Variants in SCN1A observed in about 807,000 individuals in gnomAD.
The protein encoded by SCN1A is sodium channel protein type 1 subunit alpha.
A neutral mutation model predicts 193.7 loss-of-function variants in SCN1A; 13 were observed. That is an observed-to-expected ratio of 0.07 (90% CI 0.04 to 0.11). The LOEUF is 0.11. Among genes scored for constraint, SCN1A ranks in the 10% least tolerant of loss-of-function variants. The probability of loss-of-function intolerance (pLI) is 1.00; values close to 1 mark genes in which losing one functional copy is unlikely to be tolerated. For missense variants in SCN1A, 1,432 were observed against 2,451.1 expected, an observed-to-expected ratio of 0.58 and a Z score of 8.78; for synonymous variants, 781 against 843.6, an observed-to-expected ratio of 0.93 and a Z score of 1.29.
chr2:166,103,532 G>A (rs1007624100), intron 2 of SCN1A, among the ~76,000 whole-genome samples: 1 of 151,862 alleles, frequency 6.6e-6, no homozygotes, highest in African/African-American at 2.4e-5. Flanking sequence ...TTTGAGACAC[G>A]GAGGAAGCAC....
chr2:166,103,112 A>G (rs953468162), intron 2 of SCN1A, among the ~76,000 whole-genome samples: 1 of 152,030 alleles, frequency 6.6e-6, no homozygotes, highest in African/African-American at 2.4e-5. Context: ...AGAGGAGCAG[A>G]CAGTCTGTTA....
At chr2:166,125,266 T>A (rs1691107625) in intron 2 of SCN1A, among the ~76,000 whole-genome samples, 1 of 152,196 alleles carries the variant, frequency 6.6e-6, no homozygotes, top group Non-Finnish European at 1.5e-5. Flanking sequence ...TTCTCTGGGA[T>A]CTGTTTCTCC....
At chr2:166,124,457 GA>G (rs557514614) in intron 2 of SCN1A, among the ~76,000 whole-genome samples, 1 of 152,090 alleles carries the variant, frequency 6.6e-6, no homozygotes. Context: ...TGAGGCAGGA[GA>G]ATCACTTCAA....
chr2:166,018,875 C>A (rs1200140050), intron 19 of SCN1A, among the ~76,000 whole-genome samples: 1 of 152,042 alleles, frequency 6.6e-6, no homozygotes, highest in Non-Finnish European at 1.5e-5. Context: ...ACATTGGTAA[C>A]TCTTGAAGAA....
intron 14 of SCN1A, among the ~76,000 whole-genome samples, chr2:166,042,844 C>G (rs1697339806): frequency 6.6e-6 from 1 of 152,128 alleles, no homozygotes; most frequent in Non-Finnish European, 1.5e-5. Flanking sequence ...TTGCAACACA[C>G]TTAGCTGCCA....
intron 1 of SCN1A, among the ~76,000 whole-genome samples, chr2:166,145,316 C>A (rs915813802): frequency 1.3e-5 from 2 of 152,046 alleles, no homozygotes; most frequent in Admixed American, 1.3e-4. Context: ...GGATTACAGG[C>A]ATGAGCCACC....
intron 4 of SCN1A, among the ~76,000 whole-genome samples, chr2:166,063,627 T>C (rs962812934): frequency 6.6e-6 from 1 of 152,076 alleles, no homozygotes; most frequent in Non-Finnish European, 1.5e-5. Context: ...GAAGGTTACC[T>C]TGACCAGCAC....
At chr2:166,096,017 T>G (rs1436126667) in intron 2 of SCN1A, among the ~76,000 whole-genome samples, 2 of 152,230 alleles carry the variant, frequency 1.3e-5, no homozygotes. Flanking sequence ...TCTAAAGTTT[T>G]CAAGAATTCA....
intron 19 of SCN1A, among the ~76,000 whole-genome samples, chr2:166,022,395 C>T (rs956373724): frequency 2.0e-5 from 3 of 146,804 alleles, no homozygotes; most frequent in Admixed American, 7.1e-5. Flanking sequence ...AGGTGGGGGG[C>T]GGGGTAATAC....
chr2:166,044,978 A>G (rs1402925898), intron 13 of SCN1A, 65 bp downstream of exon 13: 4 of 1,518,714 alleles, frequency 2.6e-6, no homozygotes, highest in African/African-American at 2.7e-5. Flanking sequence ...CCATTTTCTA[A>G]TTCTCCCCCT....
intron 13 of SCN1A, 110 bp downstream of exon 13, chr2:166,044,933 A>G: frequency 8.5e-7 from 1 of 1,173,674 alleles, no homozygotes; most frequent in Non-Finnish European, 1.3e-6. Context: ...ATATAACACA[A>G]CAGTGGTTGA....
chr2:166,106,217 T>C (rs1183060447), intron 2 of SCN1A, among the ~76,000 whole-genome samples: 1 of 151,980 alleles, frequency 6.6e-6, no homozygotes, highest in Non-Finnish European at 1.5e-5. Context: ...CAAAAAAAGA[T>C]ACAGAAACCA....
chr2:166,059,823 A>G (rs1683097538), intron 4 of SCN1A, among the ~76,000 whole-genome samples: 1 of 152,158 alleles, frequency 6.6e-6, no homozygotes, highest in Non-Finnish European at 1.5e-5. Flanking sequence ...AGGATTTTCT[A>G]AATTCAAGTA....
chr2:165,994,243 A>T lies in SCN1A; in HGVS notation c.4755T>A (p.Thr1585=). ...RINLVFIVLF[T]GECVLKLISL... is the part of the protein sequence containing the mutation. ...AGATGAGTTTCAGTACACACTCTCC[A>T]GTAAATAGCACAATGAACACCAGAT... The change falls in exon 28 of 29, where the codon ACT becomes ACA. Residue 1585 remains threonine, a synonymous_variant. Transcript: ENST00000674923. The T allele has an allele frequency of 6.2e-7, 1 of 1,613,256 alleles. No homozygotes were observed. Among genetic ancestry groups the T allele is most frequent in the Non-Finnish European group, 8.5e-7 (1 of 1,179,514 alleles).
intron 19 of SCN1A, among the ~76,000 whole-genome samples, chr2:166,025,094 A>G (rs751039800): frequency 5.9e-5 from 9 of 151,416 alleles, no homozygotes; most frequent in Non-Finnish European, 1.3e-4. Context: ...ACAAATGAGC[A>G]TACACCCAGC....
chr2:165,986,219 T>C lies in SCN1A; in HGVS notation c.*5026A>G, dbSNP rs1688600688. The C allele has an allele frequency of 6.6e-6, 1 of 152,206 alleles. No individual in the cohort carries two copies. Among genetic ancestry groups the C allele is most frequent in the African/African-American group, 2.4e-5 (1 of 41,464 alleles). 9.4% of individuals were successfully genotyped at this position (152,206 alleles called of 1,614,324 possible). A position where few individuals can be genotyped will look rare whatever the true frequency, so the allele number is the denominator to read the frequency against. ...CAATTTCAGGATAAAGGTCTTTAAC[T>C]TGGATATGTTCAGCTTTATAAATAT... On this transcript the variant is annotated 3_prime_UTR_variant, in exon 29 of 29. Transcript: ENST00000674923.
chr2:166,027,777 C>A (rs1430850654), intron 19 of SCN1A, among the ~76,000 whole-genome samples: 1 of 151,952 alleles, frequency 6.6e-6, no homozygotes, highest in African/African-American at 2.4e-5. Flanking sequence ...CTCAGAAATG[C>A]TAGTATTAAT....
chr2:166,080,057 T>C (rs1685349384), intron 2 of SCN1A, among the ~76,000 whole-genome samples: 1 of 151,572 alleles, frequency 6.6e-6, no homozygotes, highest in Non-Finnish European at 1.5e-5. Context: ...ATATGAAAAA[T>C]TGTTCTAAAT....
At chr2:166,089,387 CAATT>C (rs1430110050) in intron 2 of SCN1A, among the ~76,000 whole-genome samples, 3 of 151,986 alleles carry the variant, frequency 2.0e-5, no homozygotes, top group Non-Finnish European at 4.4e-5. Flanking sequence ...TCCTGAAATT[CAATT>C]AATTAGCATT....
Sources: allele counts gnomAD v4.1 joint callset (sites outside exome capture counted in the v4.1 genomes callset), GRCh38; gene constraint gnomAD v4.1.1; transcripts MANE v1.5; gene names NCBI Gene and HGNC (gene_info 2026-07-23, HGNC 2026-07-21).